Variants in STIM1 observed in about 807,000 individuals in gnomAD.
STIM1 encodes the protein stromal interaction molecule 1.
STIM1 carries 25 observed loss-of-function variants against 74.7 expected under a neutral mutation model. The observed-to-expected ratio is 0.33, with a 90% CI of 0.24 to 0.47. The LOEUF (loss-of-function observed/expected upper bound fraction) is 0.47. Ranked by LOEUF, STIM1 falls within the 20% of genes least tolerant of loss-of-function variation. The pLI is 1.00. For missense variants in STIM1, 728 were observed against 920.8 expected (o/e 0.79, Z 2.71); for synonymous variants, 328 against 348.8 (o/e 0.94, Z 0.66).
At chr11:4,032,314 T>TA (rs2094057437) in intron 3 of STIM1, among the ~76,000 whole-genome samples, 1 of 152,328 alleles carries the variant, frequency 6.6e-6, no homozygotes, top group African/African-American at 2.4e-5. Context: ...AACCTGTTTC[T>TA]AAAAAACAAG....
At chr11:4,073,052 T>TTG (rs2133177031) in intron 6 of STIM1, among the ~76,000 whole-genome samples, 1 of 148,958 alleles carries the variant, frequency 6.7e-6, no homozygotes, top group South Asian at 2.2e-4. Flanking sequence ...TTAGAGGTTT[T>TTG]TTTTTTTTTT....
intron 7 of STIM1, among the ~76,000 whole-genome samples, chr11:4,079,672 A>C (rs1237564518): frequency 6.6e-6 from 1 of 152,238 alleles, no homozygotes; most frequent in South Asian, 2.1e-4. Context: ...TTGAAAACAC[A>C]ATTTTCATAA....
chr11:4,053,959 G>A (rs935511782), intron 3 of STIM1, among the ~76,000 whole-genome samples: 1 of 152,150 alleles, frequency 6.6e-6, no homozygotes, highest in Non-Finnish European at 1.5e-5. Context: ...CTACAATGAT[G>A]GAAATGTTGT....
Position 3,880,323 on chromosome 11 carries a change from G to C in STIM1, c.139+23914G>C, listed in dbSNP as rs548263093. 1.4e-4 allele frequency among the ~76,000 whole-genome samples: 21 copies of C among 152,292 alleles called. No individual in the cohort carries two copies. In the South Asian group the frequency reaches 1.5e-3, roughly 11 times the overall value. On this transcript the variant is annotated intron_variant, in intron 1 of 12. Coordinates refer to ENST00000526596, the MANE Select transcript of STIM1 (RefSeq NM_001382567.1). ...CTGTGACCCTTGCAGGTTACTTCTC[G>C]TGTCTTGATTTCCAAGCATTAGTGA...
Position 4,023,935 on chromosome 11 carries a change from G to A in STIM1, c.333G>A (p.Glu111=). ...TGAAACACAGCACCTTCCATGGTGA[G>A]GATAAGCTCATCAGCGTGGAGGACC... ...PTVKHSTFHG[E]DKLISVEDLW... Residue 111 remains glutamate, a synonymous_variant, in exon 3 of 13, where the codon GAG becomes GAA. Coordinates refer to ENST00000526596, the MANE Select transcript of STIM1 (RefSeq NM_001382567.1). The A allele has an allele frequency of 1.9e-6, 3 of 1,614,080 alleles. No homozygotes were observed. Among genetic ancestry groups the A allele is most frequent in the Non-Finnish European group, 2.5e-6 (3 of 1,180,002 alleles).
chr11:3,887,825 G>A (rs555108098), intron 1 of STIM1, among the ~76,000 whole-genome samples: 2 of 151,960 alleles, frequency 1.3e-5, no homozygotes, highest in South Asian at 2.1e-4. Flanking sequence ...AAAATTAGCC[G>A]GACGTGGTGG....
At chr11:3,892,297 T>G in intron 1 of STIM1, 1 of 759,370 alleles carries the variant, frequency 1.3e-6, no homozygotes, top group Non-Finnish European at 2.3e-6. Flanking sequence ...AGCACAAAGA[T>G]TCAAGGATAC....
At chr11:4,023,090 G>A (rs187212333) in intron 2 of STIM1, among the ~76,000 whole-genome samples, 246 of 152,262 alleles carry the variant, frequency 1.6e-3, no homozygotes, top group African/African-American at 5.7e-3. Flanking sequence ...TAGCACTTTC[G>A]GAGACCGAGA....
chr11:3,986,365 A>G (rs2093558170), intron 2 of STIM1, among the ~76,000 whole-genome samples: 1 of 152,192 alleles, frequency 6.6e-6, no homozygotes, highest in Non-Finnish European at 1.5e-5. Flanking sequence ...AGTAACAAGT[A>G]TGATGTCCTT....
chr11:4,035,058 T>G (rs2094087037), intron 3 of STIM1, among the ~76,000 whole-genome samples: 1 of 152,184 alleles, frequency 6.6e-6, no homozygotes, highest in Non-Finnish European at 1.5e-5. Flanking sequence ...TTTCTCTGGT[T>G]TCTATTTCAT....
intron 2 of STIM1, among the ~76,000 whole-genome samples, chr11:3,977,073 G>C (rs1296392970): frequency 2.8e-4 from 43 of 152,184 alleles, no homozygotes; most frequent in Admixed American, 2.8e-3. Flanking sequence ...GGGATTACAG[G>C]CATGAGCCAC....
rs551894592 is a variant in STIM1 at position 4,007,048 on chromosome 11, C to T, written c.271-16825C>T. ...TATAGAGAGATGTCTCCCCTCTTCT[C>T]TGCTCCCACTCTCACTACTTCACTA... On this transcript the variant is annotated intron_variant, in intron 2 of 12. Coordinates refer to ENST00000526596, the MANE Select transcript of STIM1 (RefSeq NM_001382567.1). Among the ~76,000 whole-genome samples the T allele has an allele frequency of 1.7e-3, 260 of 152,280 alleles. 1 individual carries two copies. The highest frequency in any genetic ancestry group is 2.7e-3 in the Non-Finnish European group (181 of 68,020).
intron 7 of STIM1, among the ~76,000 whole-genome samples, chr11:4,081,104 C>T (rs933583193): frequency 1.3e-5 from 2 of 152,118 alleles, no homozygotes; most frequent in Non-Finnish European, 2.9e-5. Context: ...CCTGGCCTAT[C>T]TTAGCTGTGG....
intron 2 of STIM1, among the ~76,000 whole-genome samples, chr11:3,998,886 G>A (rs2093686116): frequency 6.6e-6 from 1 of 152,176 alleles, no homozygotes; most frequent in African/African-American, 2.4e-5. Context: ...ATGGCTTGAT[G>A]TGTCTAGAGC....
chr11:3,882,331 T>A (rs1355865178), intron 1 of STIM1, among the ~76,000 whole-genome samples: 2 of 151,994 alleles, frequency 1.3e-5, no homozygotes, highest in Admixed American at 1.3e-4. Flanking sequence ...ACTCCCGACC[T>A]CAGGTGATTC....
At position 3,963,353 on chromosome 11, in the gene STIM1, C is replaced by A. The variant is rs992222227; in HGVS notation, c.140-4199C>A. On this transcript the variant is annotated intron_variant, in intron 1 of 12. Coordinates refer to ENST00000526596, the MANE Select transcript of STIM1 (RefSeq NM_001382567.1). Reference sequence around the variant, plus strand: ...AACATGTGGTATTTGGTTTTCTGTTCCTGTGTTCTTTTGCTAAGGATAATG... The same window carrying A: ...AACATGTGGTATTTGGTTTTCTGTTACTGTGTTCTTTTGCTAAGGATAATG... Among the ~76,000 whole-genome samples the A allele has an allele frequency of 2.6e-5, 4 of 152,152 alleles. No homozygotes were observed. In the East Asian group the frequency reaches 7.7e-4, roughly 29 times the overall value.
At chr11:3,991,950 CAAAAAAAAAAA>C (rs1230185435) in intron 2 of STIM1, among the ~76,000 whole-genome samples, 529 of 36,680 alleles carry the variant, frequency 0.014, 5 homozygotes, top group African/African-American at 0.067. Flanking sequence ...AACTCCATCT[CAAAAAAAAAAA>C]AAAAAAAAAA....
intron 3 of STIM1, among the ~76,000 whole-genome samples, chr11:4,042,163 G>T (rs1398097680): frequency 1.3e-5 from 2 of 152,232 alleles, no homozygotes; most frequent in Non-Finnish European, 2.9e-5. Flanking sequence ...AAGGCCAAGT[G>T]TTTGCCCTGG....
In STIM1 at chr11:4,064,070, T is replaced by TA. The variant is rs1442171676; in HGVS notation, c.613+4675dup. Among the ~76,000 whole-genome samples the TA allele has an allele frequency of 2.0e-5, 3 of 152,336 alleles. No homozygotes were observed. In the East Asian group the frequency reaches 5.8e-4, roughly 29 times the overall value. ...AATGGGTTTGTTCATTAAAGGTTCT[T>TA]ACTGGTTCTCTCATTCAAGGATTCT... On this transcript the variant is annotated intron_variant, in intron 5 of 12. Coordinates refer to ENST00000526596, the MANE Select transcript of STIM1 (RefSeq NM_001382567.1).
Sources: allele counts gnomAD v4.1 joint callset (sites outside exome capture counted in the v4.1 genomes callset), GRCh38; gene constraint gnomAD v4.1.1; transcripts MANE v1.5; gene names NCBI Gene and HGNC (gene_info 2026-07-23, HGNC 2026-07-21).